Variants in AMZ2 observed in about 807,000 individuals in gnomAD.
The protein encoded by AMZ2 is archaemetzincin-2.
AMZ2 carries 26 observed loss-of-function variants against 36.7 expected under a neutral mutation model. The observed-to-expected ratio is 0.71, with a 90% CI of 0.52 to 0.98. The LOEUF is 0.98. Among genes scored for constraint, AMZ2 ranks in the 50% least tolerant of loss-of-function variants. The probability of loss-of-function intolerance (pLI) is 0.00; values close to 1 mark genes in which losing one functional copy is unlikely to be tolerated. For missense variants in AMZ2, 394 were observed against 430.5 expected, an observed-to-expected ratio of 0.92 and a Z score of 0.75; for synonymous variants, 144 against 149.1, an observed-to-expected ratio of 0.97 and a Z score of 0.25.
rs781990544 is a variant in AMZ2, at chr17:68,254,522, T to C, written c.705T>C (p.Tyr235=). 5.6e-6 allele frequency: 9 copies of C among 1,613,176 alleles called. No homozygotes were observed. The highest frequency in any genetic ancestry group is 5.9e-6 in the Non-Finnish European group (7 of 1,179,418). The stretch of plus-strand genomic sequence containing the variant: ...GTGACTATTCAATTTTCGACAACTA[T>C]TATATTCCAGAAATAACTAGTGTTT... ...SSSDYSIFDN[Y]YIPEITSVLL... Residue 235 remains tyrosine (Y), a synonymous_variant, in exon 5 of 7, where the codon TAT becomes TAC. Transcript: ENST00000359904.
At chr17:68,231,020 A>AT (rs1387729265) in intron 1 of AMZ2, among the ~76,000 whole-genome samples, 1 of 151,650 alleles carries the variant, frequency 6.6e-6, no homozygotes, top group South Asian at 2.1e-4. Flanking sequence ...ACATATATGT[A>AT]TTTTTTACAT....
intron 5 of AMZ2, 66 bp downstream of exon 5, chr17:68,254,633 A>G: frequency 1.5e-6 from 2 of 1,356,764 alleles, no homozygotes; most frequent in East Asian, 4.6e-5. Context: ...TAAACTGTAT[A>G]TTGTCAGTCC....
At chr17:68,250,646 T>C (rs1309639017) in intron 2 of AMZ2, 148 bp from the exon 3 acceptor site, 10 of 1,205,214 alleles carry the variant, frequency 8.3e-6, no homozygotes, top group Middle Eastern at 2.1e-4. Flanking sequence ...TTGTTTCTTT[T>C]TGTTTCATAG....
intron 1 of AMZ2, among the ~76,000 whole-genome samples, chr17:68,230,841 G>A (rs576040966): frequency 6.2e-4 from 94 of 152,264 alleles, no homozygotes; most frequent in African/African-American, 1.9e-3. Context: ...CTGAGTCTCA[G>A]TGAAGTTTTT....
chr17:68,223,445 C>G (rs567911957), intron 1 of AMZ2, among the ~76,000 whole-genome samples: 5 of 152,230 alleles, frequency 3.3e-5, no homozygotes, highest in Non-Finnish European at 7.3e-5. Context: ...TTTTGCTCAA[C>G]AGTACAAGAG....
rs1568372085 is a variant in AMZ2, at chr17:68,248,485, C to T, written c.-221C>T. ...GTTTTGGGACCAAAGCATCCTAGGC[C>T]TCCAGCCCACTGCAGTGACCGAATT... On this transcript the variant is annotated 5_prime_UTR_variant, in exon 1 of 7. Transcript: ENST00000359904. 1.7e-5 allele frequency: 17 copies of T among 986,142 alleles called. No individual in the cohort carries two copies. In the South Asian group the frequency reaches 6.6e-4, roughly 38 times the overall value. 61.1% of individuals were successfully genotyped at this position (986,142 alleles called of 1,614,324 possible). A position where few individuals can be genotyped will look rare whatever the true frequency, so the allele number is the denominator to read the frequency against.
intron 1 of AMZ2, among the ~76,000 whole-genome samples, chr17:68,239,154 C>A (rs192854426): frequency 6.6e-6 from 1 of 152,286 alleles, no homozygotes; most frequent in Admixed American, 6.5e-5. Context: ...GAAAACAGGT[C>A]ACCTGCTGCT....
intron 1 of AMZ2, among the ~76,000 whole-genome samples, chr17:68,222,038 C>T (rs2073381028): frequency 6.6e-6 from 1 of 152,326 alleles, no homozygotes; most frequent in East Asian, 1.9e-4. Context: ...TATACATTAG[C>T]AATGGAATTA....
intron 1 of AMZ2, among the ~76,000 whole-genome samples, chr17:68,226,268 A>G (rs1860037): frequency 0.35 from 53,956 of 151,990 alleles, 10,689 homozygotes; most frequent in African/African-American, 0.54. Flanking sequence ...CCTGCCTACT[A>G]TGTACATTTG....
intron 1 of AMZ2, among the ~76,000 whole-genome samples, chr17:68,210,482 A>C (rs2073010589): frequency 6.6e-6 from 1 of 152,182 alleles, no homozygotes; most frequent in Non-Finnish European, 1.5e-5. Flanking sequence ...AGAGTGTTCA[A>C]ATTGGTAAAG....
At chr17:68,208,083 G>A (rs1437723463) in intron 1 of AMZ2, among the ~76,000 whole-genome samples, 1 of 152,208 alleles carries the variant, frequency 6.6e-6, no homozygotes, top group East Asian at 1.9e-4. Context: ...AGCCCGCCAT[G>A]CCTGAGCCTC....
At chr17:68,253,708 T>G (rs1555741035) in intron 4 of AMZ2, among the ~76,000 whole-genome samples, 2 of 152,038 alleles carry the variant, frequency 1.3e-5, no homozygotes, top group African/African-American at 4.8e-5. Flanking sequence ...GTAACAGATC[T>G]GTTTAGTGTG....
intron 1 of AMZ2, among the ~76,000 whole-genome samples, chr17:68,236,402 A>G (rs189931703): frequency 5.3e-5 from 8 of 152,144 alleles, no homozygotes; most frequent in African/African-American, 1.9e-4. Flanking sequence ...AATGTATTTT[A>G]TATAGTAAGT....
chr17:68,209,563 T>G (rs1348979570), intron 1 of AMZ2, among the ~76,000 whole-genome samples: 10 of 149,100 alleles, frequency 6.7e-5, no homozygotes, highest in Admixed American at 1.3e-4. Context: ...AATAATATTA[T>G]AGAAGAAAAT....
intron 1 of AMZ2, among the ~76,000 whole-genome samples, chr17:68,232,788 G>A (rs1356674927): frequency 6.6e-6 from 1 of 152,104 alleles, no homozygotes; most frequent in Admixed American, 6.5e-5. Context: ...AGGTTTCAGT[G>A]AGCTGAGATT....
rs571315040 is a variant in AMZ2, at chr17:68,250,299, A to C, written c.112A>C (p.Asn38His). The change falls in exon 2 of 7, where the codon AAT (asparagine) becomes CAT (histidine). Residue 38 changes from asparagine to histidine, a missense_variant. By Grantham distance (68) the Asn-to-His change is moderately conservative (BLOSUM62 1). Coordinates refer to ENST00000359904, the MANE Select transcript of AMZ2 (RefSeq NM_016627.5). ...AAATGCTGGGGAACAACGTTTAATG[A>C]ATGAAGCCTTCCAGCCAGCCAGTGA... is the stretch of plus-strand genomic sequence containing the variant. ...KLNAGEQRLM[N>H]EAFQPASDLF... The C allele has an allele frequency of 6.2e-7, 1 of 1,614,198 alleles. No individual in the cohort carries two copies. Among genetic ancestry groups the C allele is most frequent in the South Asian group, 1.1e-5 (1 of 91,082 alleles).
upstream of AMZ2, chr17:68,247,584 GGGAAA>G: frequency 1.0e-6 from 1 of 965,652 alleles, no homozygotes; most frequent in Non-Finnish European, 1.2e-6. Context: ...AAATAAAGAA[GGGAAA>G]GTGCTGAGGG....
chr17:68,207,843 G>T lies in AMZ2; in HGVS notation c.-67+1605G>T, dbSNP rs1239575303. On this transcript the variant is annotated intron_variant, in intron 1 of 7. Transcript: ENST00000674770. ...GCTGGAGCCGGCTCCCTCAGCTTGCGGGGGAGGTGTGGAGGGAGAGGCGCA... is the reference window on the plus strand; with the variant it reads ...GCTGGAGCCGGCTCCCTCAGCTTGCTGGGGAGGTGTGGAGGGAGAGGCGCA... 2.1e-4 allele frequency among the ~76,000 whole-genome samples: 24 copies of T among 116,868 alleles called. 2 individuals are homozygous for T. The highest frequency in any genetic ancestry group is 6.9e-4 in the African/African-American group (23 of 33,310). The allele number at this position is 116,868 out of a possible 152,430, so 76.7% of individuals were successfully genotyped here.
At chr17:68,222,521 TAATATATAATGA>T (rs782068730) in intron 1 of AMZ2, among the ~76,000 whole-genome samples, 44 of 152,294 alleles carry the variant, frequency 2.9e-4, no homozygotes, top group South Asian at 1.9e-3. Context: ...TATTACATTG[TAATATATAATGA>T]AATATATAAT....
Sources: allele counts gnomAD v4.1 joint callset (sites outside exome capture counted in the v4.1 genomes callset), GRCh38; gene constraint gnomAD v4.1.1; transcripts MANE v1.5; gene names NCBI Gene and HGNC (gene_info 2026-07-23, HGNC 2026-07-21).